The following NBEAL1 variants were observed in gnomAD, a reference collection of about 807,000 sequenced individuals.
NBEAL1 encodes the protein neurobeachin like 1.
A neutral mutation model predicts 351.3 loss-of-function variants in NBEAL1; 273 were observed. That is an observed-to-expected ratio of 0.78 (90% CI 0.70 to 0.86). The LOEUF is 0.86. Among genes scored for constraint, NBEAL1 ranks in the 40% least tolerant of loss-of-function variants. The probability of loss-of-function intolerance (pLI) is 0.00; values close to 1 mark genes in which losing one functional copy is unlikely to be tolerated. For synonymous variants in NBEAL1, 1,050 were observed against 1,086.4 expected, an observed-to-expected ratio of 0.97 and a Z score of 0.66; for missense variants, 2,961 against 3,201.3, an observed-to-expected ratio of 0.92 and a Z score of 1.81.
chr2:203,199,221 C>T, intron 48 of NBEAL1, 117 bp from the exon 49 acceptor site: 1 of 570,294 alleles, frequency 1.8e-6, no homozygotes, highest in Non-Finnish European at 3.2e-6. Flanking sequence ...GTTTGAAGTA[C>T]ACAGTCTCAC....
At chr2:203,059,906 A>G (rs901953664) in intron 6 of NBEAL1, among the ~76,000 whole-genome samples, 3 of 152,212 alleles carry the variant, frequency 2.0e-5, no homozygotes, top group Non-Finnish European at 4.4e-5. Flanking sequence ...CTTTATACTC[A>G]TTAGCACTTT....
chr2:203,183,500 A>T (rs574150535), intron 44 of NBEAL1, 112 bp downstream of exon 44: 9 of 613,020 alleles, frequency 1.5e-5, no homozygotes, highest in African/African-American at 7.4e-5. Context: ...GTAATCTATT[A>T]TATATGCTGA....
intron 41 of NBEAL1, among the ~76,000 whole-genome samples, chr2:203,173,663 AC>A (rs1342698829): frequency 1.3e-5 from 2 of 152,110 alleles, no homozygotes; most frequent in Non-Finnish European, 2.9e-5. Context: ...CATTAGTCAA[AC>A]TTTTTTTTCT....
chr2:203,199,817 C>T (rs1258993968), intron 49 of NBEAL1, among the ~76,000 whole-genome samples: 2 of 152,054 alleles, frequency 1.3e-5, no homozygotes, highest in South Asian at 2.1e-4. Context: ...TCCCTCCTTC[C>T]TCCCTCCATT....
intron 33 of NBEAL1, among the ~76,000 whole-genome samples, chr2:203,146,004 A>G (rs2063503548): frequency 6.6e-6 from 1 of 151,890 alleles, no homozygotes; most frequent in Non-Finnish European, 1.5e-5. Context: ...GACAAAAAAA[A>G]AAAGGAGAGA....
chr2:203,162,872 A>G (rs537907695), intron 36 of NBEAL1, among the ~76,000 whole-genome samples: 26 of 151,824 alleles, frequency 1.7e-4, no homozygotes, highest in East Asian at 9.9e-4. Flanking sequence ...AGTCTTCCTC[A>G]GCCAGGTGCG....
chr2:203,144,238 G>A (rs2063454645), intron 31 of NBEAL1, among the ~76,000 whole-genome samples: 1 of 148,988 alleles, frequency 6.7e-6, no homozygotes, highest in African/African-American at 2.5e-5. Flanking sequence ...AAAAAGATTT[G>A]GGTTCTCTTT....
intron 36 of NBEAL1, among the ~76,000 whole-genome samples, chr2:203,158,338 T>C (rs2063852538): frequency 6.6e-6 from 1 of 152,102 alleles, no homozygotes. Flanking sequence ...TTGCCACAAA[T>C]AATAAAATGA....
intron 31 of NBEAL1, among the ~76,000 whole-genome samples, chr2:203,140,319 A>T (rs1057487424): frequency 6.6e-6 from 1 of 152,008 alleles, no homozygotes; most frequent in Admixed American, 6.6e-5. Flanking sequence ...AAAAAAAAGA[A>T]AATACACAAA....
chr2:203,060,809 C>T (rs138892169), intron 6 of NBEAL1, among the ~76,000 whole-genome samples: 21 of 152,282 alleles, frequency 1.4e-4, no homozygotes, highest in Admixed American at 6.5e-4. Flanking sequence ...TATAGAATTT[C>T]TTACTAGTGA....
chr2:203,217,156 T>G, intron 55 of NBEAL1, 97 bp from the exon 56 acceptor site: 1 of 863,576 alleles, frequency 1.2e-6, no homozygotes, highest in African/African-American at 1.7e-5. Context: ...TGCTAACAAT[T>G]TGTTTCTTTT....
rs534860992 is a variant in NBEAL1, at chr2:203,223,378, T to G, written c.*6024T>G. 3.1e-4 allele frequency among the ~76,000 whole-genome samples: 47 copies of G among 152,272 alleles called. No homozygotes were observed. The highest frequency in any genetic ancestry group is 3.4e-3 in the Middle Eastern group (1 of 294). ...AATAGTAATAACACAATTTTGTCAT[T>G]TAAAAAATTACCCATTCATTTTTCA... On this transcript the variant is annotated 3_prime_UTR_variant, in exon 56 of 56. Transcript: ENST00000683969.
chr2:203,079,614 C>T (rs914846872), intron 8 of NBEAL1, among the ~76,000 whole-genome samples: 6 of 151,996 alleles, frequency 3.9e-5, no homozygotes, highest in African/African-American at 1.4e-4. Context: ...TAAACATTCT[C>T]TTACTAGCAT....
At position 203,130,399 on chromosome 2, in the gene NBEAL1, C is replaced by A. The variant is rs1217290558; in HGVS notation, c.3487C>A (p.Pro1163Thr). ...RGQLFLLLFE[P>T]GNADILYALL... is the part of the protein sequence containing the mutation. ...TCAGCTTTTCTTACTGCTTTTTGAA[C>A]CAGGAAATGCTGACATACTGTACGC... The change falls in exon 25 of 56, where the codon CCA becomes ACA. Residue 1163 changes from proline (P) to threonine (T), a missense_variant. By Grantham distance (38) the Pro-to-Thr change is conservative. Coordinates refer to ENST00000683969, the MANE Select transcript of NBEAL1 (RefSeq NM_001378026.1). The A allele has an allele frequency of 2.6e-6, 4 of 1,534,300 alleles. No individual in the cohort carries two copies. The highest frequency in any genetic ancestry group is 3.5e-6 in the Non-Finnish European group (4 of 1,140,674).
intron 12 of NBEAL1, among the ~76,000 whole-genome samples, chr2:203,102,577 G>C (rs2062349271): frequency 1.3e-5 from 2 of 152,130 alleles, no homozygotes; most frequent in Admixed American, 1.3e-4. Flanking sequence ...TGTGGTTTCT[G>C]TTTTTAGTTC....
intron 51 of NBEAL1, among the ~76,000 whole-genome samples, chr2:203,206,850 G>A (rs1490679207): frequency 6.6e-6 from 1 of 150,708 alleles, no homozygotes; most frequent in Non-Finnish European, 1.5e-5. Flanking sequence ...CCCCGTCTGG[G>A]AAGTGAGGAG....
intron 54 of NBEAL1, among the ~76,000 whole-genome samples, 156 bp downstream of exon 54, chr2:203,211,262 G>A (rs1181082164): frequency 1.3e-5 from 2 of 151,978 alleles, no homozygotes; most frequent in African/African-American, 4.8e-5. Context: ...AGGAGCTAAA[G>A]TATTCCTAGA....
At chr2:203,059,812 A>C (rs2061467662) in intron 6 of NBEAL1, among the ~76,000 whole-genome samples, 1 of 152,224 alleles carries the variant, frequency 6.6e-6, no homozygotes, top group Admixed American at 6.5e-5. Context: ...TGAGCCCAAT[A>C]GTTCAAGGCT....
intron 55 of NBEAL1, among the ~76,000 whole-genome samples, 186 bp from the exon 56 acceptor site, chr2:203,217,067 G>GTGC (rs1430825396): frequency 1.3e-5 from 2 of 152,150 alleles, no homozygotes; most frequent in African/African-American, 4.8e-5. Context: ...GCCTACCAAA[G>GTGC]TGCTGGGATT....
Sources: allele counts gnomAD v4.1 joint callset (sites outside exome capture counted in the v4.1 genomes callset), GRCh38; gene constraint gnomAD v4.1.1; transcripts MANE v1.5; gene names NCBI Gene and HGNC (gene_info 2026-07-23, HGNC 2026-07-21).